Variants in RNF24 observed in about 807,000 individuals in gnomAD.
RNF24 encodes the protein ring finger protein 24.
A neutral mutation model predicts 20.0 loss-of-function variants in RNF24; 14 were observed. The ratio of observed to expected loss-of-function variants is 0.70; its 90% CI spans 0.46 to 1.10. The LOEUF (loss-of-function observed/expected upper bound fraction) is 1.10. Among genes scored for constraint, RNF24 ranks in the 50% least tolerant of loss-of-function variants. The pLI, the probability that RNF24 is intolerant of heterozygous loss-of-function variation, is 0.00. For missense variants in RNF24, 124 were observed against 177.6 expected (o/e 0.70, Z 1.71); for synonymous variants, 45 against 61.1 (o/e 0.74, Z 1.23).
intron 4 of RNF24, among the ~76,000 whole-genome samples, chr20:3,940,739 C>A (rs1428118039): frequency 6.6e-6 from 1 of 152,104 alleles, no homozygotes; most frequent in Non-Finnish European, 1.5e-5. Flanking sequence ...CCTGATTTCT[C>A]ATCAGAAATC....
At chr20:4,008,652 A>G (rs1982180813) in intron 1 of RNF24, among the ~76,000 whole-genome samples, 1 of 147,472 alleles carries the variant, frequency 6.8e-6, no homozygotes, top group African/African-American at 2.5e-5. Context: ...GGTTCAAGCA[A>G]TTCTCTGTCT....
intron 1 of RNF24, among the ~76,000 whole-genome samples, chr20:3,999,497 G>A (rs947574092): frequency 4.6e-5 from 7 of 152,204 alleles, no homozygotes; most frequent in Non-Finnish European, 1.0e-4. Flanking sequence ...GCTCACGCCT[G>A]TAATTCCAGC....
chr20:3,938,286 A>G (rs1401026558), intron 4 of RNF24, among the ~76,000 whole-genome samples: 1 of 152,214 alleles, frequency 6.6e-6, no homozygotes, highest in Non-Finnish European at 1.5e-5. Flanking sequence ...AAGTGGTAAG[A>G]GTTCTTTATA....
rs1432372199 is a variant in RNF24, at chr20:3,998,625, G to A, written c.-8+16812C>T. Among the ~76,000 whole-genome samples, 40 of 148,734 alleles carry A rather than the reference G, an allele frequency of 2.7e-4. 1 individual carries two copies. Among genetic ancestry groups the A allele is most frequent in the Admixed American group, 2.0e-3 (30 of 14,858 alleles). ...AAAAAAATTAGCCGGGCGTGGTGGCGTGTGCCTGTAATCCCAGCTACTCAG... is the reference window on the plus strand; with the variant it reads ...AAAAAAATTAGCCGGGCGTGGTGGCATGTGCCTGTAATCCCAGCTACTCAG... On this transcript the variant is annotated intron_variant, in intron 1 of 5. Transcript: ENST00000358395.
At chr20:3,998,796 C>T (rs984857441) in intron 1 of RNF24, among the ~76,000 whole-genome samples, 2 of 149,804 alleles carry the variant, frequency 1.3e-5, no homozygotes, top group South Asian at 2.1e-4. Context: ...TAATGTAACA[C>T]GTGACTGGGT....
intron 1 of RNF24, among the ~76,000 whole-genome samples, chr20:4,014,376 G>C (rs1008302931): frequency 6.6e-6 from 1 of 152,230 alleles, no homozygotes; most frequent in Non-Finnish European, 1.5e-5. Context: ...CTGTGTCCTA[G>C]ATATATTGGA....
chr20:3,977,690 C>T (rs1308498878), intron 1 of RNF24, among the ~76,000 whole-genome samples: 1 of 151,726 alleles, frequency 6.6e-6, no homozygotes, highest in Non-Finnish European at 1.5e-5. Context: ...ACGGTGAAAC[C>T]CCGTGTCTAC....
chr20:4,003,711 C>T (rs754358127), intron 1 of RNF24, among the ~76,000 whole-genome samples: 2 of 129,908 alleles, frequency 1.5e-5, no homozygotes, highest in African/African-American at 2.9e-5. Flanking sequence ...GGCGTGATCT[C>T]GGCTCACTGC....
chr20:3,977,023 G>C (rs1978923651), intron 1 of RNF24, among the ~76,000 whole-genome samples: 1 of 151,936 alleles, frequency 6.6e-6, no homozygotes, highest in Non-Finnish European at 1.5e-5. Flanking sequence ...ATATACAATG[G>C]AGCAACATCT....
intron 1 of RNF24, among the ~76,000 whole-genome samples, chr20:4,006,920 G>A (rs1981919521): frequency 6.6e-6 from 1 of 152,206 alleles, no homozygotes; most frequent in African/African-American, 2.4e-5. Flanking sequence ...TCTGCCAGCT[G>A]GCTTTCAAAG....
chr20:3,936,046 C>A (rs1396713899), intron 4 of RNF24, among the ~76,000 whole-genome samples: 2 of 152,196 alleles, frequency 1.3e-5, no homozygotes, highest in African/African-American at 4.8e-5. Context: ...AGTTTCTTAA[C>A]CTATAACACG....
At chr20:3,970,993 C>T (rs1342096727) in intron 1 of RNF24, among the ~76,000 whole-genome samples, 1 of 152,080 alleles carries the variant, frequency 6.6e-6, no homozygotes, top group Non-Finnish European at 1.5e-5. Flanking sequence ...TGAACAAACT[C>T]CAAAGAGAAT....
chr20:4,014,532 T>C (rs753436360), intron 1 of RNF24, among the ~76,000 whole-genome samples: 6 of 152,180 alleles, frequency 3.9e-5, no homozygotes, highest in Non-Finnish European at 5.9e-5. Context: ...CAAAGTATTC[T>C]AGAAACACAG....
chr20:4,011,190 C>G (rs1312299479), intron 1 of RNF24, among the ~76,000 whole-genome samples: 2 of 152,174 alleles, frequency 1.3e-5, no homozygotes, highest in African/African-American at 4.8e-5. Flanking sequence ...TCAATAGTGA[C>G]ACTGGAAGCT....
chr20:3,968,991 G>T (rs1469922087), intron 1 of RNF24, among the ~76,000 whole-genome samples: 3 of 152,086 alleles, frequency 2.0e-5, no homozygotes, highest in Non-Finnish European at 4.4e-5. Context: ...TATGGAGTCA[G>T]AGAGCCAGGG....
Position 3,928,592 on chromosome 20 carries a change from C to T in RNF24, c.*5471G>A, listed in dbSNP as rs1216071708. The stretch of plus-strand genomic sequence containing the variant: ...CTAACACGGTGAAACTCCGTCTGTA[C>T]TAAAAATACAAAAAATTAGCCGAGC... On this transcript the variant is annotated 3_prime_UTR_variant, in exon 6 of 6. Transcript: ENST00000358395. The T allele has an allele frequency of 6.6e-6, 1 of 151,592 alleles. No homozygotes were observed. The highest frequency in any genetic ancestry group is 2.4e-5 in the African/African-American group (1 of 41,322). 9.4% of individuals were successfully genotyped at this position (151,592 alleles called of 1,614,324 possible). A position where few individuals can be genotyped will look rare whatever the true frequency, so the allele number is the denominator to read the frequency against.
chr20:3,938,176 A>G (rs896782796), intron 4 of RNF24, among the ~76,000 whole-genome samples: 1 of 152,184 alleles, frequency 6.6e-6, no homozygotes, highest in Admixed American at 6.5e-5. Flanking sequence ...CATTTCCTTA[A>G]TGACTAATGA....
intron 1 of RNF24, among the ~76,000 whole-genome samples, chr20:3,998,317 G>T (rs971503114): frequency 8.6e-5 from 13 of 151,998 alleles, no homozygotes; most frequent in African/African-American, 3.1e-4. Context: ...GCTCACGCCT[G>T]TAATCCCAGC....
chr20:3,955,562 G>A (rs2091132957), intron 2 of RNF24, among the ~76,000 whole-genome samples: 1 of 152,196 alleles, frequency 6.6e-6, no homozygotes, highest in Non-Finnish European at 1.5e-5. Context: ...ATCAGGAAGT[G>A]TGAGTCCTTC....
Sources: allele counts gnomAD v4.1 joint callset (sites outside exome capture counted in the v4.1 genomes callset), GRCh38; gene constraint gnomAD v4.1.1; transcripts MANE v1.5; gene names NCBI Gene and HGNC (gene_info 2026-07-23, HGNC 2026-07-21).